DHX37: variants seen among roughly 807,000 people sequenced by gnomAD.
DHX37 encodes the protein probable ATP-dependent RNA helicase DHX37.
DHX37 carries 52 observed loss-of-function variants against 134.3 expected under a neutral mutation model. The ratio of observed to expected loss-of-function variants is 0.39; its 90% CI spans 0.31 to 0.49. DHX37 has a LOEUF of 0.49. DHX37 is among the 20% of genes least tolerant of loss of function. DHX37 has a pLI of 0.93. For missense variants in DHX37, 1,344 were observed against 1,580.8 expected, an observed-to-expected ratio of 0.85 and a Z score of 2.54; for synonymous variants, 634 against 670.7, an observed-to-expected ratio of 0.95 and a Z score of 0.85.
chr12:124,977,765 C>G (rs1291234994), intron 4 of DHX37, among the ~76,000 whole-genome samples: 2 of 152,120 alleles, frequency 1.3e-5, no homozygotes, highest in African/African-American at 4.8e-5. Context: ...CTGTTGCTGG[C>G]AGGAGTCTCA....
At chr12:124,950,289 C>A in intron 23 of DHX37, 46 bp from the exon 24 acceptor site, 2 of 1,609,936 alleles carry the variant, frequency 1.2e-6, no homozygotes, top group Non-Finnish European at 1.7e-6. Context: ...TGCAGCTGCC[C>A]TCCCGAGTCC....
intron 13 of DHX37, among the ~76,000 whole-genome samples, chr12:124,965,445 A>G (rs6488962): frequency 0.48 from 73,683 of 151,926 alleles, 18,737 homozygotes; most frequent in East Asian, 0.73. Context: ...CAACACCCCC[A>G]GGCTCTGAAG....
chr12:124,948,325 C>T (rs1221690015), intron 25 of DHX37, 144 bp from the exon 26 acceptor site: 12 of 1,384,764 alleles, frequency 8.7e-6, no homozygotes, highest in Admixed American at 2.7e-5. Context: ...TGACATGCAC[C>T]TGTAGCCCCA....
chr12:124,973,632 C>CA lies in DHX37; in HGVS notation c.981-1034_981-1033insT, dbSNP rs1483580184. On this transcript the variant is annotated intron_variant, in intron 6 of 26. Coordinates refer to ENST00000308736, the MANE Select transcript of DHX37 (RefSeq NM_032656.4). ...TTCTACTTATGTATATGCGCCCCCC[C>CA]CAACGCTTTTTTTTTTTTTTTTTTT... 8.3e-4 allele frequency among the ~76,000 whole-genome samples: 113 copies of CA among 136,098 alleles called. 2 individuals carry two copies. The highest frequency in any genetic ancestry group is 2.4e-3 in the African/African-American group (90 of 36,910). The allele number at this position is 136,098 out of a possible 152,430, so 89.3% of individuals were successfully genotyped here.
chr12:124,983,258 C>T (rs750611850), intron 2 of DHX37, among the ~76,000 whole-genome samples: 1 of 151,930 alleles, frequency 6.6e-6, no homozygotes, highest in Non-Finnish European at 1.5e-5. Context: ...TACAGGCGCC[C>T]GCCACCATGC....
intron 13 of DHX37, 131 bp from the exon 14 acceptor site, chr12:124,965,137 C>T: frequency 9.7e-7 from 1 of 1,031,654 alleles, no homozygotes; most frequent in South Asian, 1.6e-5. Flanking sequence ...GCAGAGGCTC[C>T]CCTTGGGACC....
rs759944186 is a variant in DHX37 at position 124,965,781 on chromosome 12, G to A, written c.1622C>T (p.Ser541Leu). 13 of 1,613,808 alleles carry A rather than the reference G, an allele frequency of 8.1e-6. 1 individual carries two copies. The highest frequency in any genetic ancestry group is 1.6e-4 in the Middle Eastern group (1 of 6,080). The stretch of plus-strand genomic sequence containing the variant: ...ATCGCCTTCGCCTGCCGGTAACACC[G>A]AGTAATGATCCAAGTTGATCTGGGG... The part of the protein sequence containing the change: ...VLPQINLDHY[S>L]VLPAGEGDED... The change falls in exon 13 of 27, where the codon TCG (serine) becomes TTG (leucine). Residue 541 changes from serine (S) to leucine (L), a missense_variant. Ser to Leu is a moderately radical substitution (Grantham distance 145). Transcript: ENST00000308736.
In DHX37 at chr12:124,968,633, A is replaced by G; in HGVS notation, c.1309T>C (p.Phe437Leu). The G allele has an allele frequency of 6.2e-7, 1 of 1,614,068 alleles. No individual in the cohort carries two copies. Among genetic ancestry groups the G allele is most frequent in the Non-Finnish European group, 8.5e-7 (1 of 1,180,028 alleles). ...PPVIKVESRQ[F>L]PVTVHFNKRT... is the part of the protein sequence containing the mutation. ...TTGTTGAAATGCACAGTCACTGGGA[A>G]CTGCCTGGATTCCACCTGTGGGACG... The change falls in exon 10 of 27, where the codon TTC becomes CTC. Residue 437 changes from phenylalanine (F) to leucine (L), a missense_variant. By Grantham distance (22) the Phe-to-Leu change is conservative. Coordinates refer to ENST00000308736, the MANE Select transcript of DHX37 (RefSeq NM_032656.4).
Position 124,980,368 on chromosome 12 carries a change from T to C in DHX37, c.738+122A>G, listed in dbSNP as rs1181603120. On this transcript the variant is annotated intron_variant, in intron 4 of 26. Coordinates refer to ENST00000308736, the MANE Select transcript of DHX37 (RefSeq NM_032656.4). This position sits in a 1 kb window ranked among gnomAD's most constrained non-coding sequence, Gnocchi z 5.3. ...AAGGGAGGCGCAGTCACTCTCCCCT[T>C]TCCCAGATGGGGACATGGAGGCACA... The C allele has an allele frequency of 1.7e-6, 2 of 1,144,438 alleles. No individual in the cohort carries two copies. Among genetic ancestry groups the C allele is most frequent in the East Asian group, 5.4e-5 (2 of 37,060 alleles). The allele number at this position is 1,144,438 out of a possible 1,614,324, so 70.9% of individuals were successfully genotyped here. A position where few individuals can be genotyped will look rare whatever the true frequency, so the allele number is the denominator to read the frequency against.
intron 26 of DHX37, 48 bp from the exon 27 acceptor site, chr12:124,947,935 G>A: frequency 6.2e-7 from 1 of 1,611,104 alleles, no homozygotes; most frequent in Non-Finnish European, 8.5e-7. Context: ...CTGGGCCCAG[G>A]GACTCTCCTC....
chr12:124,988,895 C>A, intron 1 of DHX37, 22 bp downstream of exon 1: 2 of 1,303,608 alleles, frequency 1.5e-6, no homozygotes, highest in Non-Finnish European at 2.0e-6. Flanking sequence ...CGAAATCCAG[C>A]CCCGGTCCGG....
At position 124,980,570 on chromosome 12, in the gene DHX37, G is replaced by T. The variant is rs370692870; in HGVS notation, c.658C>A (p.Pro220Thr). ...CTGGGCAGTGGTGGGGCTGCAGCTG[G>T]AGGAGGAGGAACAGTCATCCCAGCC... is the stretch of plus-strand genomic sequence containing the variant. ...VPAGMTVPPP[P>T]AAAPPLPRAL... The change falls in exon 4 of 27, where the codon CCA becomes ACA. Residue 220 changes from proline (P) to threonine (T), a missense_variant. Pro to Thr is a conservative substitution (Grantham distance 38). Around this residue, in one of 7 missense-constraint regions of DHX37, gnomAD observed 319 missense variants for 296.1 expected, o/e 1.08. Transcript: ENST00000308736. The surrounding 1 kb of genome is among the most constrained non-coding windows in gnomAD (Gnocchi z 5.3). 2 of 1,611,488 alleles carry T rather than the reference G, an allele frequency of 1.2e-6. No individual in the cohort carries two copies. Among genetic ancestry groups the T allele is most frequent in the African/African-American group, 1.3e-5 (1 of 74,882 alleles).
At position 124,983,465 on chromosome 12, in the gene DHX37, G is replaced by A. The variant is rs188898219; in HGVS notation, c.277-842C>T. Among the ~76,000 whole-genome samples, 9 of 146,370 alleles carry A rather than the reference G, an allele frequency of 6.1e-5. No homozygotes were observed. In the East Asian group the frequency reaches 1.2e-3, roughly 20 times the overall value. ...CACACAGAACAAGGTATAGCACAGC[G>A]GGAAAGCACCCTAAATAGGATTTAA... On this transcript the variant is annotated intron_variant, in intron 2 of 26. Coordinates refer to ENST00000308736, the MANE Select transcript of DHX37 (RefSeq NM_032656.4).
At chr12:124,971,220 C>G in intron 8 of DHX37, 82 bp downstream of exon 8, 1 of 1,543,998 alleles carries the variant, frequency 6.5e-7, no homozygotes, top group Non-Finnish European at 8.7e-7. Context: ...CAACGGGGAA[C>G]AGGTGAAGGA....
chr12:124,959,537 T>C (rs1954183601), intron 16 of DHX37, among the ~76,000 whole-genome samples: 1 of 152,090 alleles, frequency 6.6e-6, no homozygotes, highest in Non-Finnish European at 1.5e-5. Context: ...CCCATGATTT[T>C]TATTAGGTGA....
chr12:124,984,302 G>A (rs978386732), intron 2 of DHX37, among the ~76,000 whole-genome samples: 1 of 152,230 alleles, frequency 6.6e-6, no homozygotes, highest in African/African-American at 2.4e-5. Flanking sequence ...GGAGGCCGAG[G>A]CAGGTGGGTC....
Position 124,968,884 on chromosome 12 carries a change from G to T in DHX37, c.1276C>A (p.Pro426Thr). 6.2e-7 allele frequency: 1 copy of T among 1,614,078 alleles called. No homozygotes were observed. Among genetic ancestry groups the T allele is most frequent in the Non-Finnish European group, 8.5e-7 (1 of 1,180,044 alleles). ...FTQNPRLFAK[P>T]PPVIKVESRQ... The stretch of plus-strand genomic sequence containing the variant: ...TGTGTTACCTTGATGACCGGCGGCG[G>T]CTTGGCGAAGAGCCGTGGGTTCTGG... Residue 426 changes from proline (P) to threonine (T), a missense_variant, in exon 9 of 27, where the codon CCG becomes ACG. Physicochemically the swap from Pro to Thr is conservative, Grantham distance 38 (BLOSUM62 -1). Around this residue, in one of 7 missense-constraint regions of DHX37, gnomAD observed 289 missense variants for 323.8 expected, o/e 0.89. Transcript: ENST00000308736.
At position 124,965,662 on chromosome 12, in the gene DHX37, C is replaced by A; in HGVS notation, c.1735+6G>T. On this transcript the variant is annotated splice_donor_region_variant and intron_variant, in intron 13 of 26. Coordinates refer to ENST00000308736, the MANE Select transcript of DHX37 (RefSeq NM_032656.4). ...ACATGAGCAGGAATCGGTGCTCGGG[C>A]CACACCTCCATCTTGCCCGCCATCC... The A allele has an allele frequency of 6.2e-7, 1 of 1,602,260 alleles. No individual in the cohort carries two copies.
intron 15 of DHX37, among the ~76,000 whole-genome samples, chr12:124,961,257 CACACACAT>C (rs1162536457): frequency 3.6e-5 from 3 of 83,754 alleles, no homozygotes; most frequent in African/African-American, 2.3e-4. Context: ...TGCACGCACG[CACACACAT>C]ACACGCGTGC....
Sources: gnomAD v4.1 joint callset for allele counts (sites outside exome capture counted in the v4.1 genomes callset) on GRCh38, gnomAD v4.1.1 for gene constraint, gnomAD v4.1.1 regional missense constraint, Gnocchi (gnomAD v3.1) non-coding constraint, MANE v1.5 for transcripts, NCBI Gene and HGNC (gene_info 2026-07-23, HGNC 2026-07-21) for gene names.